Variants in MAST2 observed in about 807,000 individuals in gnomAD.
The protein encoded by MAST2 is microtubule-associated serine/threonine-protein kinase 2.
Under a neutral mutation model 147.4 loss-of-function variants are expected in MAST2, and 70 were observed. The observed-to-expected ratio is 0.47, with a 90% CI of 0.39 to 0.58. The LOEUF (loss-of-function observed/expected upper bound fraction) is 0.58, where lower values mean the gene tolerates loss of function less well. Ranked by LOEUF, MAST2 falls within the 20% of genes least tolerant of loss-of-function variation. The probability of loss-of-function intolerance (pLI) is 0.00; values close to 1 mark genes in which losing one functional copy is unlikely to be tolerated. For missense variants in MAST2, 2,080 were observed against 2,302.3 expected (o/e 0.90, Z 1.98); for synonymous variants, 869 against 896.8 (o/e 0.97, Z 0.55).
At chr1:45,983,163 T>G (rs1444802498) in intron 5 of MAST2, among the ~76,000 whole-genome samples, 2 of 152,208 alleles carry the variant, frequency 1.3e-5, no homozygotes, top group East Asian at 3.8e-4. Flanking sequence ...TAATGTAGAA[T>G]GTTGAATTGT....
At chr1:46,029,641 G>A (rs1646557009) in intron 19 of MAST2, 74 bp downstream of exon 19, 4 of 1,473,426 alleles carry the variant, frequency 2.7e-6, no homozygotes, top group Non-Finnish European at 3.7e-6. Context: ...TACCCTGGAG[G>A]TTCAGGCTTC....
chr1:45,904,555 A>C (rs571244767), intron 4 of MAST2, among the ~76,000 whole-genome samples: 5 of 151,368 alleles, frequency 3.3e-5, no homozygotes, highest in Admixed American at 3.3e-4. Flanking sequence ...GCAGCCTTGA[A>C]CTGGGCTCAA....
Position 46,028,903 on chromosome 1 carries a change from C to T in MAST2, c.2188C>T (p.Pro730Ser). The T allele has an allele frequency of 6.2e-7, 1 of 1,606,778 alleles. No homozygotes were observed. Among genetic ancestry groups the T allele is most frequent in the South Asian group, 1.1e-5 (1 of 89,722 alleles). ...VGCVPFFGDT[P>S]EELFGQVISD... ...CTGCGTCCCTTTTTTTGGAGATACT[C>T]CGGAGGAGCTCTTTGGGCAGGTGAT... The change falls in exon 18 of 29, where the codon CCG becomes TCG. Residue 730 changes from proline to serine, a missense_variant. By Grantham distance (74) the Pro-to-Ser change is moderately conservative. Transcript: ENST00000361297.
intron 5 of MAST2, among the ~76,000 whole-genome samples, chr1:45,981,033 T>C (rs1427144862): frequency 6.6e-6 from 1 of 152,052 alleles, no homozygotes; most frequent in Non-Finnish European, 1.5e-5. Context: ...GAAATCAGCC[T>C]CCCCCACATT....
intron 4 of MAST2, among the ~76,000 whole-genome samples, chr1:45,930,567 C>T (rs1455990650): frequency 2.0e-5 from 3 of 152,146 alleles, no homozygotes; most frequent in Admixed American, 6.5e-5. Context: ...TAGAACACTT[C>T]GCAGCACGGG....
At chr1:45,882,062 G>T (rs1171648987) in intron 3 of MAST2, among the ~76,000 whole-genome samples, 1 of 149,820 alleles carries the variant, frequency 6.7e-6, no homozygotes, top group African/African-American at 2.5e-5. Flanking sequence ...CGTGGTGGCG[G>T]GTGCCTGTAG....
At chr1:45,923,435 T>C (rs757329586) in intron 4 of MAST2, among the ~76,000 whole-genome samples, 11 of 152,206 alleles carry the variant, frequency 7.2e-5, no homozygotes, top group Non-Finnish European at 1.2e-4. Flanking sequence ...ATTTACAAAC[T>C]CTGAGCACTT....
At chr1:45,894,595 A>C (rs903383368) in intron 4 of MAST2, among the ~76,000 whole-genome samples, 1 of 152,206 alleles carries the variant, frequency 6.6e-6, no homozygotes, top group African/African-American at 2.4e-5. Context: ...GATGGCAGTA[A>C]ACAGTAAACC....
chr1:45,976,337 T>C (rs935361486), intron 5 of MAST2, among the ~76,000 whole-genome samples: 5 of 152,002 alleles, frequency 3.3e-5, no homozygotes, highest in Non-Finnish European at 7.4e-5. Context: ...TGAGTCACAC[T>C]TGTAATCCCA....
At chr1:45,819,949 G>C (rs1028949741) in intron 1 of MAST2, among the ~76,000 whole-genome samples, 4 of 152,104 alleles carry the variant, frequency 2.6e-5, no homozygotes, top group Admixed American at 2.6e-4. Flanking sequence ...AATGATACTA[G>C]AAAGCTATGG....
intron 3 of MAST2, among the ~76,000 whole-genome samples, chr1:45,865,881 T>C (rs557465334): frequency 2.0e-5 from 3 of 152,346 alleles, no homozygotes; most frequent in African/African-American, 7.2e-5. Context: ...AGTCTATCAC[T>C]AAATGTTTTT....
intron 3 of MAST2, among the ~76,000 whole-genome samples, chr1:45,879,771 G>C (rs1646765652): frequency 6.6e-6 from 1 of 152,056 alleles, no homozygotes; most frequent in Non-Finnish European, 1.5e-5. Context: ...AATATATATT[G>C]ATGGTTAATA....
chr1:46,034,356 GTC>G, intron 28 of MAST2, 90 bp downstream of exon 28: 4 of 1,432,574 alleles, frequency 2.8e-6, no homozygotes, highest in Non-Finnish European at 3.7e-6. Flanking sequence ...CCCACTCTGA[GTC>G]TCTCATTTAG....
intron 1 of MAST2, among the ~76,000 whole-genome samples, chr1:45,812,118 CTG>C (rs1644321422): frequency 6.6e-6 from 1 of 152,128 alleles, no homozygotes; most frequent in South Asian, 2.1e-4. Flanking sequence ...ACTCTGGCAA[CTG>C]TGTGGAGGAT....
chr1:45,833,084 T>C (rs904462162), intron 3 of MAST2, among the ~76,000 whole-genome samples: 2 of 152,234 alleles, frequency 1.3e-5, no homozygotes, highest in Non-Finnish European at 1.5e-5. Context: ...CTTAGTCTAA[T>C]GTCTTCAAGA....
At chr1:45,933,693 G>A (rs1655729955) in intron 4 of MAST2, among the ~76,000 whole-genome samples, 1 of 151,902 alleles carries the variant, frequency 6.6e-6, no homozygotes. Flanking sequence ...GGCGGAGGTT[G>A]CAGTGAGCCA....
intron 4 of MAST2, among the ~76,000 whole-genome samples, chr1:45,915,709 C>CA (rs58479623): frequency 0.44 from 57,587 of 130,408 alleles, 12,022 homozygotes; most frequent in East Asian, 0.61. Flanking sequence ...GACTCTGTCT[C>CA]AAAAAAAAAA....
chr1:45,819,120 G>A (rs1297335328), intron 1 of MAST2, among the ~76,000 whole-genome samples: 1 of 151,960 alleles, frequency 6.6e-6, no homozygotes, highest in Non-Finnish European at 1.5e-5. Context: ...AGGCATGGTG[G>A]CACACACCTG....
intron 5 of MAST2, among the ~76,000 whole-genome samples, chr1:45,970,667 CAAAAAAAAA>C (rs754544108): frequency 2.8e-5 from 2 of 72,432 alleles, no homozygotes; most frequent in Non-Finnish European, 4.9e-5. Context: ...GACTCTGTCT[CAAAAAAAAA>C]AAAAAAAAAA....
Sources: allele counts gnomAD v4.1 joint callset (sites outside exome capture counted in the v4.1 genomes callset), GRCh38; gene constraint gnomAD v4.1.1; transcripts MANE v1.5; gene names NCBI Gene and HGNC (gene_info 2026-07-23, HGNC 2026-07-21).